The following ADCY1 variants were observed in gnomAD, a reference collection of about 807,000 sequenced individuals.
ADCY1 encodes adenylate cyclase 1, also known as adenylate cyclase type 1.
Under a neutral mutation model 105.4 loss-of-function variants are expected in ADCY1, and 28 were observed. That is an observed-to-expected ratio of 0.27 (90% confidence interval 0.20 to 0.36). ADCY1 has a LOEUF of 0.36. Ranked by LOEUF, ADCY1 falls within the 10% of genes least tolerant of loss-of-function variation. The pLI is 1.00. For missense variants in ADCY1, 977 were observed against 1,434.2 expected, an observed-to-expected ratio of 0.68 and a Z score of 5.15; for synonymous variants, 655 against 623.8, an observed-to-expected ratio of 1.05 and a Z score of -0.75.
At chr7:45,674,150 A>G (rs1001072543) in intron 8 of ADCY1, among the ~76,000 whole-genome samples, 1 of 151,366 alleles carries the variant, frequency 6.6e-6, no homozygotes, top group Non-Finnish European at 1.5e-5. Flanking sequence ...CATAATGTGT[A>G]TGATTTCAGT....
intron 7 of ADCY1, 107 bp from the exon 8 acceptor site, chr7:45,661,952 C>T: frequency 7.3e-7 from 1 of 1,361,132 alleles, no homozygotes. Context: ...GCAAATGAAT[C>T]CCAGTGCCCT....
intron 8 of ADCY1, among the ~76,000 whole-genome samples, chr7:45,673,987 A>G (rs1458703343): frequency 1.8e-4 from 3 of 17,020 alleles, no homozygotes; most frequent in Non-Finnish European, 3.3e-4. Flanking sequence ...ATATATATAT[A>G]TATATATATA....
intron 14 of ADCY1, among the ~76,000 whole-genome samples, chr7:45,693,914 A>G (rs1230457592): frequency 8.2e-6 from 1 of 122,586 alleles, no homozygotes; most frequent in Non-Finnish European, 1.7e-5. Flanking sequence ...GAATTGAACA[A>G]TGAGATCACA....
chr7:45,594,922 TTCTG>T (rs1448160693), intron 2 of ADCY1, among the ~76,000 whole-genome samples: 2 of 152,198 alleles, frequency 1.3e-5, no homozygotes, highest in Non-Finnish European at 2.9e-5. Flanking sequence ...TAATTTTATT[TTCTG>T]TCTTTTTGCT....
chr7:45,678,714 CAAAAAAAA>C (rs35743607), intron 10 of ADCY1, among the ~76,000 whole-genome samples: 1 of 96,468 alleles, frequency 1.0e-5, no homozygotes, highest in East Asian at 2.8e-4. Context: ...ACTCTATCTA[CAAAAAAAA>C]AAAAAAAAAA....
chr7:45,713,035 C>T (rs531521360), intron 19 of ADCY1, among the ~76,000 whole-genome samples: 18 of 152,138 alleles, frequency 1.2e-4, no homozygotes, highest in Admixed American at 5.2e-4. Flanking sequence ...GCACCCCCAC[C>T]GACACCATGC....
chr7:45,629,509 CTTT>C (rs34705083), intron 4 of ADCY1, among the ~76,000 whole-genome samples: 4 of 129,356 alleles, frequency 3.1e-5, no homozygotes, highest in Non-Finnish European at 4.9e-5. Context: ...GTATGCTTAA[CTTT>C]TTTTTTTTTT....
At chr7:45,612,211 C>T (rs1179334712) in intron 3 of ADCY1, among the ~76,000 whole-genome samples, 1 of 152,202 alleles carries the variant, frequency 6.6e-6, no homozygotes, top group Non-Finnish European at 1.5e-5. Context: ...AGCTGAAGAG[C>T]CAGCATTTGA....
At chr7:45,594,130 T>C (rs1184444624) in intron 2 of ADCY1, among the ~76,000 whole-genome samples, 1 of 152,212 alleles carries the variant, frequency 6.6e-6, no homozygotes, top group Non-Finnish European at 1.5e-5. Flanking sequence ...TGTGGCTTTG[T>C]AATCAGGTAG....
chr7:45,584,833 G>C (rs1792668995), intron 1 of ADCY1, among the ~76,000 whole-genome samples: 1 of 152,226 alleles, frequency 6.6e-6, no homozygotes, highest in South Asian at 2.1e-4. Flanking sequence ...TCCAGTCTCT[G>C]GAAGCAGCAT....
At chr7:45,635,223 T>C (rs550951501) in intron 4 of ADCY1, among the ~76,000 whole-genome samples, 1 of 152,048 alleles carries the variant, frequency 6.6e-6, no homozygotes, top group East Asian at 1.9e-4. Flanking sequence ...GAATCTATAG[T>C]GATGTCACCT....
At chr7:45,619,959 C>T (rs1359199516) in intron 3 of ADCY1, among the ~76,000 whole-genome samples, 2 of 152,134 alleles carry the variant, frequency 1.3e-5, no homozygotes, top group Admixed American at 6.5e-5. Flanking sequence ...TCAAATTGTA[C>T]ACCACATATA....
chr7:45,622,867 A>G, intron 4 of ADCY1, 124 bp downstream of exon 4: 1 of 750,866 alleles, frequency 1.3e-6, no homozygotes, highest in Admixed American at 2.4e-5. Context: ...TCTTCCAGCA[A>G]GGTTATAAAT....
intron 14 of ADCY1, among the ~76,000 whole-genome samples, chr7:45,700,625 A>T (rs1161668067): frequency 6.6e-6 from 1 of 152,190 alleles, no homozygotes; most frequent in Admixed American, 6.5e-5. Context: ...GTATCTGAGA[A>T]TTAAGAAATG....
chr7:45,711,682 T>C (rs1562735674), intron 19 of ADCY1, among the ~76,000 whole-genome samples: 2 of 142,182 alleles, frequency 1.4e-5, no homozygotes, highest in African/African-American at 2.6e-5. Context: ...TACACATATA[T>C]ACACACACAT....
intron 4 of ADCY1, among the ~76,000 whole-genome samples, chr7:45,639,281 G>C (rs999515987): frequency 1.3e-5 from 2 of 152,114 alleles, no homozygotes; most frequent in Admixed American, 6.5e-5. Context: ...ATTTACATTT[G>C]CTTTAATACC....
Position 45,660,086 on chromosome 7 carries a change from A to T in ADCY1, c.1352A>T (p.Asp451Val). The part of the protein sequence containing the change: ...TKTTLACLNG[D>V]YEVEPGYGHE... ...ACGACCCTAGCGTGCTTGAATGGGGACTACGAGGTAGAACCGGGTTACGGA... is the reference window on the plus strand; with the variant it reads ...ACGACCCTAGCGTGCTTGAATGGGGTCTACGAGGTAGAACCGGGTTACGGA... Residue 451 changes from aspartate (D) to valine (V), a missense_variant, in exon 7 of 20, where the codon GAC (aspartate) becomes GTC (valine). Around this residue, in one of 7 missense-constraint regions of ADCY1, gnomAD observed 66 missense variants for 127.2 expected, o/e 0.52. Transcript: ENST00000297323. 2 of 1,614,202 alleles carry T rather than the reference A, an allele frequency of 1.2e-6. No homozygotes were observed. The highest frequency in any genetic ancestry group is 1.7e-6 in the Non-Finnish European group (2 of 1,180,044).
In ADCY1 at chr7:45,710,170, G is replaced by A. The variant is rs773311565; in HGVS notation, c.2933-358G>A. 6.6e-6 allele frequency among the ~76,000 whole-genome samples: 1 copy of A among 152,304 alleles called. No homozygotes were observed. Among genetic ancestry groups the A allele is most frequent in the South Asian group, 2.1e-4 (1 of 4,820 alleles). Reference sequence around the variant, plus strand: ...ACCCTGTAATCACAGATATTGAAAGGCCACACTTCTGAGTGGCTCCCCTGG... The same window carrying A: ...ACCCTGTAATCACAGATATTGAAAGACCACACTTCTGAGTGGCTCCCCTGG... On this transcript the variant is annotated intron_variant, in intron 18 of 19. Transcript: ENST00000297323. The surrounding 1 kb of genome is among the most constrained non-coding windows in gnomAD (Gnocchi z 4.7).
chr7:45,620,885 TG>T (rs1365543797), intron 3 of ADCY1, among the ~76,000 whole-genome samples: 7 of 152,182 alleles, frequency 4.6e-5, no homozygotes, highest in African/African-American at 1.7e-4. Flanking sequence ...CCAGTGTCTG[TG>T]TGCCCCTTTC....
Sources: gnomAD v4.1 joint callset for allele counts (sites outside exome capture counted in the v4.1 genomes callset) on GRCh38, gnomAD v4.1.1 for gene constraint, gnomAD v4.1.1 regional missense constraint, Gnocchi (gnomAD v3.1) non-coding constraint, MANE v1.5 for transcripts, NCBI Gene and HGNC (gene_info 2026-07-23, HGNC 2026-07-21) for gene names.